SLC37A1: variants seen among roughly 807,000 people sequenced by gnomAD.
The protein encoded by SLC37A1 is solute carrier family 37 member 1, also known as glucose-6-phosphate exchanger SLC37A1.
A neutral mutation model predicts 75.3 loss-of-function variants in SLC37A1; 49 were observed. The observed-to-expected ratio is 0.65, with a 90% CI of 0.52 to 0.83. The LOEUF (loss-of-function observed/expected upper bound fraction) is 0.83, where lower values mean the gene tolerates loss of function less well. Ranked by LOEUF, SLC37A1 falls within the 40% of genes least tolerant of loss-of-function variation. SLC37A1 has a pLI of 0.00. For missense variants in SLC37A1, 566 were observed against 695.0 expected (o/e 0.81, Z 2.09); for synonymous variants, 268 against 292.1 (o/e 0.92, Z 0.84).
At chr21:42,556,387 C>T (rs988619943) in intron 10 of SLC37A1, among the ~76,000 whole-genome samples, 4 of 152,214 alleles carry the variant, frequency 2.6e-5, no homozygotes, top group East Asian at 1.9e-4. Context: ...GCACTTTGCA[C>T]GCCAAGTGGG....
intron 6 of SLC37A1, among the ~76,000 whole-genome samples, chr21:42,541,820 C>A (rs537878704): frequency 6.6e-6 from 1 of 152,340 alleles, no homozygotes; most frequent in East Asian, 1.9e-4. Context: ...CAGCTCACTA[C>A]AGCCTTGACC....
At chr21:42,567,165 C>T (rs1051740323) in intron 16 of SLC37A1, 107 bp downstream of exon 16, 55 of 1,187,432 alleles carry the variant, frequency 4.6e-5, no homozygotes, top group South Asian at 3.1e-4. Flanking sequence ...TGCAGAAGCA[C>T]GTTTTTGGCA....
chr21:42,567,655 T>A (rs562519363), intron 16 of SLC37A1, among the ~76,000 whole-genome samples: 5 of 152,334 alleles, frequency 3.3e-5, no homozygotes, highest in African/African-American at 1.2e-4. Flanking sequence ...TGTTCTTTAT[T>A]TTATATACAT....
At chr21:42,509,296 C>G (rs2054413181), upstream of SLC37A1, 2 of 152,208 alleles carry the variant, frequency 1.3e-5, no homozygotes, top group Admixed American at 1.3e-4. The surrounding 1 kb of genome is among the most constrained non-coding windows in gnomAD (Gnocchi z 4.2). Flanking sequence ...TCTTACATCC[C>G]TTGCCACTTC....
intron 2 of SLC37A1, among the ~76,000 whole-genome samples, chr21:42,507,868 C>T (rs1033958858): frequency 2.0e-5 from 3 of 152,292 alleles, no homozygotes; most frequent in East Asian, 3.9e-4. Flanking sequence ...ACCCAGACAC[C>T]TCCCACTAGG....
intron 17 of SLC37A1, among the ~76,000 whole-genome samples, chr21:42,569,911 GC>G (rs1434843689): frequency 1.3e-5 from 2 of 152,264 alleles, no homozygotes; most frequent in Non-Finnish European, 2.9e-5. Flanking sequence ...CCCCCGCCCA[GC>G]CCTGGGTGGC....
At chr21:42,539,457 C>A in intron 5 of SLC37A1, 55 bp from the exon 6 acceptor site, 1 of 1,556,094 alleles carries the variant, frequency 6.4e-7, no homozygotes, top group Non-Finnish European at 8.7e-7. Flanking sequence ...CACGAGGTTG[C>A]TAACATTCGG....
intron 14 of SLC37A1, 130 bp from the exon 15 acceptor site, chr21:42,565,697 T>C: frequency 1.3e-6 from 1 of 786,010 alleles, no homozygotes. Flanking sequence ...CGTCACGCTT[T>C]TTTAGGGGTT....
chr21:42,538,839 A>G (rs2055205150), intron 5 of SLC37A1, among the ~76,000 whole-genome samples: 1 of 152,240 alleles, frequency 6.6e-6, no homozygotes, highest in South Asian at 2.1e-4. Context: ...GTCCCCAGAC[A>G]GCTCTAGAAG....
chr21:42,528,100 G>A (rs74622692), intron 3 of SLC37A1, among the ~76,000 whole-genome samples: 2 of 152,134 alleles, frequency 1.3e-5, no homozygotes, highest in Admixed American at 6.5e-5. Context: ...TAGAAAGTGA[G>A]TCTTATTCTG....
intron 5 of SLC37A1, among the ~76,000 whole-genome samples, chr21:42,536,504 C>G (rs933536623): frequency 6.6e-6 from 1 of 152,126 alleles, no homozygotes; most frequent in Non-Finnish European, 1.5e-5. Flanking sequence ...TAGGGATGTT[C>G]TAGCCCATTT....
Position 42,552,382 on chromosome 21 carries a change from CTTCTA to C in SLC37A1, c.769-1676_769-1672del, listed in dbSNP as rs1410914272. 6.6e-6 allele frequency among the ~76,000 whole-genome samples: 1 copy of C among 152,234 alleles called. No individual in the cohort carries two copies. Among genetic ancestry groups the C allele is most frequent in the Non-Finnish European group, 1.5e-5 (1 of 68,036 alleles). On this transcript the variant is annotated intron_variant, in intron 9 of 19. Transcript: ENST00000352133. This position sits in a 1 kb window ranked among gnomAD's most constrained non-coding sequence, Gnocchi z 4.2. ...AAACAAGATGGGAAGGTATTTCTCT[CTTCTA>C]TTCAAGAAATCTGGAGAGAGCCAGC...
chr21:42,522,466 C>T (rs914627980), intron 2 of SLC37A1, among the ~76,000 whole-genome samples: 9 of 152,252 alleles, frequency 5.9e-5, no homozygotes, highest in African/African-American at 9.6e-5. Flanking sequence ...AGCAAGGCAG[C>T]GGCCCGAGTG....
rs2147084772 is a variant in SLC37A1 at position 42,580,514 on chromosome 21, C to T, written c.*154C>T. The T allele has an allele frequency of 2.7e-6, 2 of 742,028 alleles. No individual in the cohort carries two copies. Among genetic ancestry groups the T allele is most frequent in the Non-Finnish European group, 4.4e-6 (2 of 457,604 alleles). The allele number at this position is 742,028 out of a possible 1,614,324, so 46.0% of individuals were successfully genotyped here. ...AAGACACAGAAGCCAACCTGAGAAC[C>T]CCTGGTGCTATTTTAAAGGAGACAT... On this transcript the variant is annotated 3_prime_UTR_variant, in exon 20 of 20. Coordinates refer to ENST00000352133, the MANE Select transcript of SLC37A1 (RefSeq NM_001320537.2).
intron 3 of SLC37A1, 137 bp downstream of exon 3, chr21:42,525,994 G>T: frequency 7.0e-6 from 4 of 574,994 alleles, no homozygotes; most frequent in Admixed American, 3.2e-5. Context: ...CTGCTGCTTT[G>T]GCTTTTCGGT....
At position 42,580,356 on chromosome 21, in the gene SLC37A1, A is replaced by G. The variant is rs2056401914; in HGVS notation, c.1598A>G (p.Gln533Arg). The G allele has an allele frequency of 6.2e-7, 1 of 1,613,426 alleles. No homozygotes were observed. Among genetic ancestry groups the G allele is most frequent in the Non-Finnish European group, 8.5e-7 (1 of 1,179,826 alleles). ...ATGDQVPFKE[Q>R] ...AACCTTTCTTTCAGATTTAAGGAACAGTGACACCCCACCCCAGTCCCGTGG... is the reference window on the plus strand; with the variant it reads ...AACCTTTCTTTCAGATTTAAGGAACGGTGACACCCCACCCCAGTCCCGTGG... The change falls in exon 20 of 20, where the codon CAG (glutamine) becomes CGG (arginine). Residue 533 changes from glutamine (Q) to arginine (R), a missense_variant. Coordinates refer to ENST00000352133, the MANE Select transcript of SLC37A1 (RefSeq NM_001320537.2).
In SLC37A1 at chr21:42,530,654, A is replaced by ACACACACACACACACACAC. The variant is rs1161313598; in HGVS notation, c.139-4043_139-4042insACACACACACACACACACC. Among the ~76,000 whole-genome samples the ACACACACACACACACACAC allele has an allele frequency of 7.0e-4, 25 of 35,892 alleles. 1 individual carries two copies. Among genetic ancestry groups the ACACACACACACACACACAC allele is most frequent in the Middle Eastern group, 9.6e-3 (1 of 104 alleles). 23.5% of individuals were successfully genotyped at this position (35,892 alleles called of 152,430 possible). A position where few individuals can be genotyped will look rare whatever the true frequency, so the allele number is the denominator to read the frequency against. On this transcript the variant is annotated intron_variant, in intron 3 of 19. Transcript: ENST00000352133. ...CACACACACACACACACACACACAC[A>ACACACACACACACACACAC]CCCCCTCTGTGTTGGCTGAAGGTGG...
upstream of SLC37A1, among the ~76,000 whole-genome samples, chr21:42,510,090 C>T (rs962669473): frequency 6.6e-6 from 1 of 152,180 alleles, no homozygotes; most frequent in Non-Finnish European, 1.5e-5. Context: ...TGCAGTGATG[C>T]GATCTCAGCT....
chr21:42,535,636 G>C, intron 5 of SLC37A1, 86 bp downstream of exon 5: 5 of 1,229,906 alleles, frequency 4.1e-6, no homozygotes, highest in Non-Finnish European at 5.9e-6. Flanking sequence ...AAGTGCACAG[G>C]CGCGCGGGAT....
Sources: gnomAD v4.1 joint callset for allele counts (sites outside exome capture counted in the v4.1 genomes callset) on GRCh38, gnomAD v4.1.1 for gene constraint, Gnocchi (gnomAD v3.1) non-coding constraint, MANE v1.5 for transcripts, NCBI Gene and HGNC (gene_info 2026-07-23, HGNC 2026-07-21) for gene names.